Variants in FAM20C observed in about 807,000 individuals in gnomAD.
FAM20C encodes the protein FAM20C golgi associated secretory pathway kinase, also known as extracellular serine/threonine protein kinase FAM20C.
In FAM20C, 40 loss-of-function variants were observed where a neutral mutation model predicts 51.5. That is an observed-to-expected ratio of 0.78 (90% CI 0.60 to 1.01). The LOEUF (loss-of-function observed/expected upper bound fraction) is 1.01, where lower values mean the gene tolerates loss of function less well. FAM20C is among the 50% of genes least tolerant of loss of function. The probability of loss-of-function intolerance (pLI) is 0.00; values close to 1 mark genes in which losing one functional copy is unlikely to be tolerated. For synonymous variants in FAM20C, 406 were observed against 380.6 expected (o/e 1.07, Z -0.78); for missense variants, 861 against 844.7 (o/e 1.02, Z -0.24).
At chr7:226,661 C>T (rs921630767) in intron 3 of FAM20C, among the ~76,000 whole-genome samples, 3 of 152,194 alleles carry the variant, frequency 2.0e-5, no homozygotes, top group Non-Finnish European at 2.9e-5. Flanking sequence ...GGCCCGAATC[C>T]GCCCGGGCTG....
chr7:254,287 G>T (rs765890589), intron 5 of FAM20C, among the ~76,000 whole-genome samples: 1 of 152,282 alleles, frequency 6.6e-6, no homozygotes, highest in Admixed American at 6.5e-5. Context: ...CTGATCCCAC[G>T]GGGAGCCTGC....
Position 208,948 on chromosome 7 carries a change from T to G in FAM20C, c.835T>G (p.Tyr279Asp). The G allele has an allele frequency of 6.3e-7, 1 of 1,585,998 alleles. No homozygotes were observed. Among genetic ancestry groups the G allele is most frequent in the Non-Finnish European group, 8.6e-7 (1 of 1,166,156 alleles). The change falls in exon 3 of 10, where the codon TAC becomes GAC. Residue 279 changes from tyrosine (Y) to aspartate (D), a missense_variant. Coordinates refer to ENST00000313766, the MANE Select transcript of FAM20C (RefSeq NM_020223.4). ...QLKLIMTFQN[Y>D]GQALFKPMKQ... ...GAAGCTCATCATGACCTTCCAGAAT[T>G]ACGGGCAAGCGCTGTTCAAACCCAT...
At chr7:241,029 T>A in intron 3 of FAM20C, among the ~76,000 whole-genome samples, 1 of 152,244 alleles carries the variant, frequency 6.6e-6, no homozygotes, top group East Asian at 1.9e-4. Flanking sequence ...GTTTCTGCAC[T>A]GATTGGAGAG....
chr7:242,521 G>A, intron 3 of FAM20C, among the ~76,000 whole-genome samples: 1 of 151,936 alleles, frequency 6.6e-6, no homozygotes, highest in East Asian at 1.9e-4. Flanking sequence ...GTGCACTGGG[G>A]GCAGGGCCAG....
intron 3 of FAM20C, among the ~76,000 whole-genome samples, chr7:233,945 C>T (rs1184288823): frequency 5.3e-5 from 8 of 152,312 alleles, no homozygotes; most frequent in South Asian, 2.1e-4. Context: ...GTGGCCAGCT[C>T]TGGGGGGAGG....
intron 4 of FAM20C, 125 bp from the exon 5 acceptor site, chr7:248,190 A>C (rs1488592936): frequency 3.1e-6 from 2 of 648,838 alleles, no homozygotes; most frequent in African/African-American, 3.6e-5. Flanking sequence ...AGGCAGGGAC[A>C]CAGAGGCCCG....
rs1414023048 is a variant in FAM20C at position 244,897 on chromosome 7, C to T, written c.864-1518C>T. Among the ~76,000 whole-genome samples the T allele has an allele frequency of 6.6e-5, 10 of 152,224 alleles. No individual in the cohort carries two copies. In the South Asian group the frequency reaches 1.7e-3, roughly 25 times the overall value. On this transcript the variant is annotated intron_variant, in intron 3 of 9. Coordinates refer to ENST00000313766, the MANE Select transcript of FAM20C (RefSeq NM_020223.4). ...GTGGGTGGTACACATCTTTAACCCCCCATAAGAAACGTTCCGGGAACACGG... is the reference window on the plus strand; with the variant it reads ...GTGGGTGGTACACATCTTTAACCCCTCATAAGAAACGTTCCGGGAACACGG...
chr7:232,411 A>G (rs28972768), intron 3 of FAM20C, among the ~76,000 whole-genome samples: 104,090 of 152,124 alleles, frequency 0.68, 36,630 homozygotes, highest in Non-Finnish European at 0.77. Flanking sequence ...CAACCCTCAC[A>G]CCTGCACGCG....
At chr7:258,122 A>G (rs865905321) in intron 8 of FAM20C, among the ~76,000 whole-genome samples, 237 of 67,514 alleles carry the variant, frequency 3.5e-3, no homozygotes, top group African/African-American at 0.014. Context: ...TGTTGGAGAT[A>G]GGCGGGGTGG....
intron 3 of FAM20C, among the ~76,000 whole-genome samples, chr7:243,981 G>T: frequency 6.7e-6 from 1 of 149,762 alleles, no homozygotes; most frequent in Non-Finnish European, 1.5e-5. Flanking sequence ...GGGTCTCACT[G>T]TGTCATCCAG....
In FAM20C at chr7:193,776, A is replaced by C. The variant is rs1382928976; in HGVS notation, c.577A>C (p.Ser193Arg). ...LFNVNSDTRL[S>R]PKAAENPDWP... ...CAATGTGAACAGCGACACCAGGCTC[A>C]GCCCCAAAGCGGCGGAGAACCCGGA... The change falls in exon 1 of 10, where the codon AGC becomes CGC. Residue 193 changes from serine to arginine, a missense_variant. By Grantham distance (110) the Ser-to-Arg change is moderately radical (BLOSUM62 -1). Around this residue, in one of 3 missense-constraint regions of FAM20C, gnomAD observed 561 missense variants for 499.8 expected, o/e 1.12. Transcript: ENST00000313766. 2 of 1,552,766 alleles carry C rather than the reference A, an allele frequency of 1.3e-6. No individual in the cohort carries two copies.
intron 3 of FAM20C, among the ~76,000 whole-genome samples, chr7:242,989 C>T (rs1386463310): frequency 6.6e-6 from 1 of 151,836 alleles, no homozygotes; most frequent in Non-Finnish European, 1.5e-5. Flanking sequence ...GATACCTGTG[C>T]CACCCGGGAG....
chr7:240,537 G>A (rs945541044), intron 3 of FAM20C, among the ~76,000 whole-genome samples: 1 of 152,018 alleles, frequency 6.6e-6, no homozygotes, highest in Admixed American at 6.6e-5. Context: ...GGTGGTGATG[G>A]TGATGGTGGT....
At chr7:249,673 G>A (rs1788319315) in intron 5 of FAM20C, among the ~76,000 whole-genome samples, 1 of 152,168 alleles carries the variant, frequency 6.6e-6, no homozygotes, top group African/African-American at 2.4e-5. Flanking sequence ...CCAGGAGGTG[G>A]CGGCTGCAGT....
At chr7:235,268 G>A (rs936120778) in intron 3 of FAM20C, among the ~76,000 whole-genome samples, 2 of 152,112 alleles carry the variant, frequency 1.3e-5, no homozygotes, top group African/African-American at 2.4e-5. Context: ...GAGCATGCTG[G>A]TGTCTTCTGC....
chr7:209,104 T>C, intron 3 of FAM20C, 128 bp downstream of exon 3: 1 of 892,960 alleles, frequency 1.1e-6, no homozygotes, highest in Non-Finnish European at 1.8e-6. Context: ...GTGACCACTC[T>C]CAACTCTCCC....
intron 4 of FAM20C, among the ~76,000 whole-genome samples, chr7:247,573 T>A (rs1287126142): frequency 6.6e-6 from 1 of 152,202 alleles, no homozygotes; most frequent in Non-Finnish European, 1.5e-5. Context: ...AGGGCTTTTT[T>A]AAAGATCAAA....
At chr7:226,426 C>T (rs1787447994) in intron 3 of FAM20C, among the ~76,000 whole-genome samples, 1 of 152,184 alleles carries the variant, frequency 6.6e-6, no homozygotes, top group African/African-American at 2.4e-5. Context: ...GGCCTAGTCA[C>T]CCTCACAAGA....
rs746323195 is a variant in FAM20C, at chr7:259,833, C to T, written c.1608C>T (p.Pro536=). Residue 536 remains proline, a synonymous_variant, in exon 10 of 10, where the codon CCC becomes CCT. Coordinates refer to ENST00000313766, the MANE Select transcript of FAM20C (RefSeq NM_020223.4). ...AESLRGDQVA[P]VLYQPHLEAL... ...CTCTGCGGGGGGACCAGGTGGCACC[C>T]GTGCTGTACCAGCCGCACCTGGAGG... The T allele has an allele frequency of 7.6e-5, 116 of 1,536,102 alleles. 1 individual carries two copies. The highest frequency in any genetic ancestry group is 6.5e-4 in the Admixed American group (33 of 50,982).
Sources: gnomAD v4.1 joint callset for allele counts (sites outside exome capture counted in the v4.1 genomes callset) on GRCh38, gnomAD v4.1.1 for gene constraint, gnomAD v4.1.1 regional missense constraint, MANE v1.5 for transcripts, NCBI Gene and HGNC (gene_info 2026-07-23, HGNC 2026-07-21) for gene names.